ACOXL: variants seen among roughly 807,000 people sequenced by gnomAD.
ACOXL encodes the protein acyl-coenzyme A oxidase-like protein.
ACOXL carries 70 observed loss-of-function variants against 71.9 expected under a neutral mutation model. The observed-to-expected ratio is 0.97, with a 90% CI of 0.80 to 1.19. The LOEUF (loss-of-function observed/expected upper bound fraction) is 1.19, where lower values mean the gene tolerates loss of function less well. Ranked by LOEUF, ACOXL falls within the 50% of genes most tolerant of loss-of-function variation. The pLI, the probability that ACOXL is intolerant of heterozygous loss-of-function variation, is 0.00. For missense variants in ACOXL, 703 were observed against 736.3 expected (o/e 0.95, Z 0.52); for synonymous variants, 253 against 281.6 (o/e 0.90, Z 1.02).
intron 9 of ACOXL, among the ~76,000 whole-genome samples, chr2:110,818,451 G>GTGTGTGTGTA (rs1373497384): frequency 1.6e-4 from 22 of 135,836 alleles, no homozygotes; most frequent in African/African-American, 5.6e-4. Flanking sequence ...GTGTGTGTGT[G>GTGTGTGTGTA]TATATATATA....
chr2:111,096,325 C>T (rs1001885639), intron 17 of ACOXL, among the ~76,000 whole-genome samples: 1 of 151,850 alleles, frequency 6.6e-6, no homozygotes, highest in African/African-American at 2.4e-5. Context: ...CAACCTCTGC[C>T]TCCCGGGTCC....
chr2:110,996,613 A>G (rs963918942), intron 14 of ACOXL, among the ~76,000 whole-genome samples: 10 of 152,140 alleles, frequency 6.6e-5, no homozygotes, highest in African/African-American at 1.7e-4. Flanking sequence ...CTCCTATTCT[A>G]TGTCCAGGCC....
chr2:110,790,017 G>A (rs1012561070), intron 3 of ACOXL, among the ~76,000 whole-genome samples: 3 of 152,244 alleles, frequency 2.0e-5, no homozygotes, highest in African/African-American at 4.8e-5. Context: ...CTTTTGGCAT[G>A]TTCCTTTGTA....
At chr2:111,070,814 T>C (rs147463903) in intron 16 of ACOXL, among the ~76,000 whole-genome samples, 3 of 152,138 alleles carry the variant, frequency 2.0e-5, no homozygotes, top group Non-Finnish European at 2.9e-5. Context: ...AGGCAGAAAA[T>C]AGCATGTGCC....
At chr2:110,775,691 A>T (rs1682547937) in intron 2 of ACOXL, among the ~76,000 whole-genome samples, 1 of 152,216 alleles carries the variant, frequency 6.6e-6, no homozygotes, top group Admixed American at 6.5e-5. Context: ...CCACAATGAG[A>T]TACCACCTTA....
rs150321046 is a variant in ACOXL at position 110,796,631 on chromosome 2, G to C, written c.346-1979G>C. ...CTGCCACTTCACTTTCTTACCCTGA[G>C]TGTAAGCATGCGCCCACCCACATGG... On this transcript the variant is annotated intron_variant, in intron 5 of 17. Coordinates refer to ENST00000439055, the MANE Select transcript of ACOXL (RefSeq NM_001142807.4). Among the ~76,000 whole-genome samples the C allele has an allele frequency of 5.2e-3, 787 of 152,272 alleles. 7 individuals are homozygous for C. The highest frequency in any genetic ancestry group is 6.0e-3 in the Non-Finnish European group (406 of 68,012).
At chr2:111,067,558 C>G (rs961099377) in intron 16 of ACOXL, among the ~76,000 whole-genome samples, 1 of 152,076 alleles carries the variant, frequency 6.6e-6, no homozygotes, top group Non-Finnish European at 1.5e-5. Flanking sequence ...AGAACATACT[C>G]TGAAGTAGAA....
At chr2:110,954,420 T>TA (rs1254295871) in intron 12 of ACOXL, among the ~76,000 whole-genome samples, 1 of 152,218 alleles carries the variant, frequency 6.6e-6, no homozygotes, top group Non-Finnish European at 1.5e-5. Context: ...TGTTTGGACT[T>TA]ACAACCTTCA....
chr2:111,009,396 C>A (rs2064031063), intron 14 of ACOXL, among the ~76,000 whole-genome samples: 1 of 151,856 alleles, frequency 6.6e-6, no homozygotes, highest in African/African-American at 2.4e-5. Flanking sequence ...TGCCTGTAAT[C>A]CCAGCTACTC....
chr2:110,820,654 G>A lies in ACOXL; in HGVS notation c.753+15259G>A, dbSNP rs184800558. ...GAGAGAGGACAGAAGAAGAAGGCTTGTGGAGACTGTTATACCTCTGGTCTT... is the reference window on the plus strand; with the variant it reads ...GAGAGAGGACAGAAGAAGAAGGCTTATGGAGACTGTTATACCTCTGGTCTT... On this transcript the variant is annotated intron_variant, in intron 9 of 17. Coordinates refer to ENST00000439055, the MANE Select transcript of ACOXL (RefSeq NM_001142807.4). 8.5e-5 allele frequency among the ~76,000 whole-genome samples: 13 copies of A among 152,326 alleles called. No homozygotes were observed. The East Asian group carries it at 2.5e-3, about 29-fold the overall frequency.
At chr2:110,911,844 T>C (rs1009059297) in intron 11 of ACOXL, among the ~76,000 whole-genome samples, 3 of 152,080 alleles carry the variant, frequency 2.0e-5, no homozygotes, top group African/African-American at 7.2e-5. Context: ...TTTAACATCA[T>C]GTTGAGGTTC....
At chr2:111,097,787 A>G (rs2068890283) in intron 17 of ACOXL, among the ~76,000 whole-genome samples, 1 of 152,262 alleles carries the variant, frequency 6.6e-6, no homozygotes, top group South Asian at 2.1e-4. Context: ...ATTAAGCCCA[A>G]GTCCATAATG....
intron 9 of ACOXL, among the ~76,000 whole-genome samples, chr2:110,829,946 C>T (rs1457719391): frequency 1.3e-5 from 2 of 152,112 alleles, no homozygotes; most frequent in Admixed American, 1.3e-4. Context: ...GAGTGTTTGT[C>T]CTTTTCATTC....
At chr2:110,969,022 G>T (rs1270558804) in intron 12 of ACOXL, among the ~76,000 whole-genome samples, 2 of 152,162 alleles carry the variant, frequency 1.3e-5, no homozygotes, top group Non-Finnish European at 2.9e-5. Context: ...AGAAAGAAAA[G>T]AAGAATATCT....
intron 12 of ACOXL, among the ~76,000 whole-genome samples, chr2:110,954,819 T>C (rs939197104): frequency 1.4e-4 from 2 of 14,074 alleles, no homozygotes; most frequent in African/African-American, 1.5e-4. Context: ...CACCATTTAG[T>C]GTGGTCTGTA....
intron 10 of ACOXL, among the ~76,000 whole-genome samples, chr2:110,859,101 A>G (rs1693626765): frequency 6.6e-6 from 1 of 152,244 alleles, no homozygotes. Context: ...AGCTGATTTT[A>G]TCTGCCTGGG....
intron 16 of ACOXL, among the ~76,000 whole-genome samples, chr2:111,069,165 A>C (rs1321116741): frequency 2.2e-5 from 2 of 88,944 alleles, no homozygotes; most frequent in Non-Finnish European, 5.2e-5. Context: ...TTTTTTTTTT[A>C]ATTTGAGACA....
chr2:110,910,721 T>C (rs2059622509), intron 11 of ACOXL, among the ~76,000 whole-genome samples: 1 of 152,222 alleles, frequency 6.6e-6, no homozygotes, highest in Non-Finnish European at 1.5e-5. Flanking sequence ...TACTTTTTCA[T>C]GTGCACATTG....
chr2:110,812,612 C>A (rs893119006), intron 9 of ACOXL, among the ~76,000 whole-genome samples: 4 of 152,232 alleles, frequency 2.6e-5, no homozygotes, highest in African/African-American at 9.6e-5. Context: ...TGGCCTCCAG[C>A]TCCATTCATA....
Sources: gnomAD v4.1 joint callset for allele counts (sites outside exome capture counted in the v4.1 genomes callset) on GRCh38, gnomAD v4.1.1 for gene constraint, MANE v1.5 for transcripts, NCBI Gene and HGNC (gene_info 2026-07-23, HGNC 2026-07-21) for gene names.